ARHGAP10: variants seen among roughly 807,000 people sequenced by gnomAD.
ARHGAP10 encodes Rho GTPase activating protein 10.
Under a neutral mutation model 108.6 loss-of-function variants are expected in ARHGAP10, and 87 were observed. The observed-to-expected ratio is 0.80, with a 90% CI of 0.67 to 0.96. The LOEUF is 0.96. Among genes scored for constraint, ARHGAP10 ranks in the 40% least tolerant of loss-of-function variants. ARHGAP10 has a pLI of 0.00. For synonymous variants in ARHGAP10, 347 were observed against 341.1 expected, an observed-to-expected ratio of 1.02 and a Z score of -0.19; for missense variants, 939 against 954.5, an observed-to-expected ratio of 0.98 and a Z score of 0.21.
intron 1 of ARHGAP10, among the ~76,000 whole-genome samples, chr4:147,785,454 A>G (rs755783192): frequency 2.4e-4 from 37 of 152,148 alleles, no homozygotes; most frequent in Non-Finnish European, 5.0e-4. Context: ...ATAGTGTGTA[A>G]CTTTTAGAAC....
chr4:147,941,782 A>G (rs1286066648), intron 14 of ARHGAP10, among the ~76,000 whole-genome samples: 1 of 152,156 alleles, frequency 6.6e-6, no homozygotes, highest in Non-Finnish European at 1.5e-5. Flanking sequence ...CCATTTTCTT[A>G]TTACCTTATG....
chr4:147,822,049 C>T lies in ARHGAP10; in HGVS notation c.155-678C>T, dbSNP rs1035494739. Among the ~76,000 whole-genome samples the T allele has an allele frequency of 4.6e-4, 70 of 152,312 alleles. 1 individual carries two copies. Among genetic ancestry groups the T allele is most frequent in the African/African-American group, 1.4e-3 (59 of 41,570 alleles). ...GAAATGAAATGTGTATCACCTAGCA[C>T]GGTGCAAGGCCTGTAAAATAAATGT... On this transcript the variant is annotated intron_variant, in intron 1 of 22. Coordinates refer to ENST00000336498, the MANE Select transcript of ARHGAP10 (RefSeq NM_024605.4).
chr4:147,775,740 G>A (rs971312749), intron 1 of ARHGAP10, among the ~76,000 whole-genome samples: 2 of 152,098 alleles, frequency 1.3e-5, no homozygotes, highest in Non-Finnish European at 2.9e-5. Flanking sequence ...CCTAGGCATG[G>A]GGGCTCTAAA....
rs1485645825 is a variant in ARHGAP10, at chr4:147,922,073, AG to A, written c.1228+8937del. Among the ~76,000 whole-genome samples, 6 of 152,236 alleles carry A rather than the reference AG, an allele frequency of 3.9e-5. No individual in the cohort carries two copies. The East Asian group carries it at 7.7e-4, about 20-fold the overall frequency. Reference sequence around the variant, plus strand: ...CTCTCACTCTTGAGCTGAGTTCTGCAGGGCAAGAGGAATTGTCCAGGTTTGC... The same window carrying A: ...CTCTCACTCTTGAGCTGAGTTCTGCAGGCAAGAGGAATTGTCCAGGTTTGC... On this transcript the variant is annotated intron_variant, in intron 13 of 22. Transcript: ENST00000336498.
intron 1 of ARHGAP10, among the ~76,000 whole-genome samples, chr4:147,811,592 A>G (rs1258718175): frequency 5.0e-5 from 7 of 139,548 alleles, no homozygotes. Flanking sequence ...GCTTTTTTTA[A>G]AAAAAAAAAA....
chr4:148,008,775 G>A (rs1341576003), intron 18 of ARHGAP10, among the ~76,000 whole-genome samples: 1 of 152,042 alleles, frequency 6.6e-6, no homozygotes, highest in Non-Finnish European at 1.5e-5. Context: ...CTATTTTTCT[G>A]ATAATTGCCC....
chr4:147,823,475 T>C (rs1041085550), intron 3 of ARHGAP10, among the ~76,000 whole-genome samples: 13 of 152,206 alleles, frequency 8.5e-5, no homozygotes, highest in African/African-American at 2.9e-4. Flanking sequence ...GAACTACCCT[T>C]GGCCAGGCAT....
intron 19 of ARHGAP10, among the ~76,000 whole-genome samples, chr4:148,039,921 A>G (rs907352002): frequency 2.6e-5 from 4 of 152,122 alleles, no homozygotes; most frequent in African/African-American, 9.7e-5. Context: ...TCTCTATATT[A>G]CAAATCTCTA....
chr4:147,776,220 G>C (rs1185618025), intron 1 of ARHGAP10, among the ~76,000 whole-genome samples: 3 of 152,038 alleles, frequency 2.0e-5, no homozygotes, highest in African/African-American at 7.2e-5. Context: ...GCGAATGAAT[G>C]ATGGAAAAAA....
intron 18 of ARHGAP10, among the ~76,000 whole-genome samples, chr4:147,977,858 A>G (rs1424446210): frequency 6.6e-6 from 1 of 150,482 alleles, no homozygotes; most frequent in Non-Finnish European, 1.5e-5. Context: ...TTTCATCTTT[A>G]TATCTGTGTA....
At chr4:148,000,371 G>A (rs1740662010) in intron 18 of ARHGAP10, among the ~76,000 whole-genome samples, 1 of 152,134 alleles carries the variant, frequency 6.6e-6, no homozygotes, top group African/African-American at 2.4e-5. Flanking sequence ...ATTGTGAATA[G>A]TGCTGCAATA....
intron 10 of ARHGAP10, among the ~76,000 whole-genome samples, chr4:147,886,206 T>C (rs1735549273): frequency 6.6e-6 from 1 of 152,242 alleles, no homozygotes; most frequent in Non-Finnish European, 1.5e-5. Context: ...TGCAAGCATT[T>C]TGGATAAAGG....
At chr4:148,057,896 G>T (rs1217363140) in intron 20 of ARHGAP10, among the ~76,000 whole-genome samples, 2 of 152,236 alleles carry the variant, frequency 1.3e-5, no homozygotes, top group Admixed American at 1.3e-4. Flanking sequence ...TGATGAGCCA[G>T]TGGGTCTACT....
At chr4:147,844,861 C>A (rs574530219) in intron 3 of ARHGAP10, among the ~76,000 whole-genome samples, 1 of 152,300 alleles carries the variant, frequency 6.6e-6, no homozygotes, top group Admixed American at 6.5e-5. Context: ...TCTCCCTCAG[C>A]AGCCAGAGTA....
intron 3 of ARHGAP10, among the ~76,000 whole-genome samples, chr4:147,827,973 T>A (rs943616842): frequency 6.6e-6 from 1 of 152,128 alleles, no homozygotes; most frequent in Admixed American, 6.5e-5. Flanking sequence ...GCCCAGCTCA[T>A]TTTTGTATTT....
At chr4:147,772,579 CTT>C (rs1730125048) in intron 1 of ARHGAP10, among the ~76,000 whole-genome samples, 1 of 152,228 alleles carries the variant, frequency 6.6e-6, no homozygotes, top group Non-Finnish European at 1.5e-5. Context: ...GGATGTCTCT[CTT>C]GAATGTTTGA....
At chr4:148,058,989 C>T (rs549591205) in intron 20 of ARHGAP10, among the ~76,000 whole-genome samples, 2 of 152,190 alleles carry the variant, frequency 1.3e-5, no homozygotes, top group African/African-American at 4.8e-5. Context: ...GCCTCCGTGG[C>T]GTCAGGAACA....
intron 12 of ARHGAP10, among the ~76,000 whole-genome samples, chr4:147,910,094 A>G (rs1037474267): frequency 2.6e-5 from 4 of 151,738 alleles, no homozygotes; most frequent in Admixed American, 6.6e-5. Context: ...TGCAGCTTCA[A>G]CCTCCTGGGC....
intron 1 of ARHGAP10, among the ~76,000 whole-genome samples, chr4:147,785,278 G>C (rs2126739095): frequency 6.6e-6 from 1 of 151,944 alleles, no homozygotes; most frequent in Non-Finnish European, 1.5e-5. Context: ...ATGGCTTGTT[G>C]TGTTTTATTT....
Sources: allele counts gnomAD v4.1 joint callset (sites outside exome capture counted in the v4.1 genomes callset), GRCh38; gene constraint gnomAD v4.1.1; transcripts MANE v1.5; gene names NCBI Gene and HGNC (gene_info 2026-07-23, HGNC 2026-07-21).